Variants in EFCAB8 observed in about 807,000 individuals in gnomAD.
The protein encoded by EFCAB8 is EF-hand calcium binding domain 8.
In EFCAB8, 100 loss-of-function variants were observed where a neutral mutation model predicts 116.3. The observed-to-expected ratio is 0.86, with a 90% CI of 0.73 to 1.02. The LOEUF (loss-of-function observed/expected upper bound fraction) is 1.02. Among genes scored for constraint, EFCAB8 ranks in the 50% least tolerant of loss-of-function variants. The pLI, the probability that EFCAB8 is intolerant of heterozygous loss-of-function variation, is 0.00. For missense variants in EFCAB8, 1,320 were observed against 1,416.9 expected (o/e 0.93, Z 1.10); for synonymous variants, 558 against 567.9 (o/e 0.98, Z 0.25).
At chr20:32,959,284 A>T (rs1989067973) in intron 24 of EFCAB8, among the ~76,000 whole-genome samples, 1 of 152,188 alleles carries the variant, frequency 6.6e-6, no homozygotes, top group African/African-American at 2.4e-5. Context: ...AATCTACATG[A>T]TTGAGTGGAT....
intron 23 of EFCAB8, among the ~76,000 whole-genome samples, chr20:32,950,663 C>G (rs752660366): frequency 2.0e-5 from 3 of 152,150 alleles, no homozygotes; most frequent in Non-Finnish European, 4.4e-5. Flanking sequence ...GGCAAATCCC[C>G]CGGGTTGCTT....
chr20:32,866,025 A>G (rs536590183), intron 2 of EFCAB8, among the ~76,000 whole-genome samples: 2 of 152,182 alleles, frequency 1.3e-5, no homozygotes, highest in South Asian at 4.1e-4. Flanking sequence ...AGAAGAGGGA[A>G]GAGCTGAAGG....
In EFCAB8 at chr20:32,871,940, G is replaced by A. The variant is rs185285508; in HGVS notation, c.209-3986G>A. 1.3e-4 allele frequency among the ~76,000 whole-genome samples: 20 copies of A among 152,292 alleles called. No homozygotes were observed. The East Asian group carries it at 3.9e-3, about 29-fold the overall frequency. The stretch of plus-strand genomic sequence containing the variant: ...GCACACAAAGGCAGTTTGACTCCCA[G>A]CTCTGTCTGGAAGGAGGCCGCAGGG... On this transcript the variant is annotated intron_variant, in intron 3 of 26. Transcript: ENST00000400522.
chr20:32,916,107 C>T lies in EFCAB8; in HGVS notation c.1857-1194C>T, dbSNP rs553383883. On this transcript the variant is annotated intron_variant, in intron 17 of 26. Coordinates refer to ENST00000400522, the MANE Select transcript of EFCAB8 (RefSeq NM_001143967.2). ...ATACCATAGAGTAGGTGGCTTATAACAACAGAAAATTATTTCTTATAGTTC... is the reference window on the plus strand; with the variant it reads ...ATACCATAGAGTAGGTGGCTTATAATAACAGAAAATTATTTCTTATAGTTC... 4.6e-5 allele frequency among the ~76,000 whole-genome samples: 7 copies of T among 152,292 alleles called. No individual in the cohort carries two copies. The East Asian group carries it at 9.6e-4, about 21-fold the overall frequency.
At chr20:32,939,414 C>A (rs1403889918) in intron 22 of EFCAB8, among the ~76,000 whole-genome samples, 1 of 146,326 alleles carries the variant, frequency 6.8e-6, no homozygotes, top group African/African-American at 2.6e-5. Context: ...TCCCAAGTAG[C>A]TGGGACTACA....
intron 9 of EFCAB8, among the ~76,000 whole-genome samples, 177 bp downstream of exon 9, chr20:32,893,475 T>TG (rs1278415863): frequency 6.6e-6 from 1 of 151,782 alleles, no homozygotes; most frequent in African/African-American, 2.4e-5. Context: ...GGAGAGGCGA[T>TG]GGGGGGCAGC....
chr20:32,909,181 G>A (rs996650056), intron 14 of EFCAB8, among the ~76,000 whole-genome samples: 2 of 152,220 alleles, frequency 1.3e-5, no homozygotes, highest in South Asian at 2.1e-4. Context: ...TTACGCACTT[G>A]GCTGGCCCTC....
chr20:32,882,917 A>G (rs568795381), intron 5 of EFCAB8, among the ~76,000 whole-genome samples: 2 of 151,894 alleles, frequency 1.3e-5, no homozygotes, highest in African/African-American at 2.4e-5. Flanking sequence ...GGATAGTCTC[A>G]ATCTCCTGAC....
chr20:32,872,738 G>A lies in EFCAB8; in HGVS notation c.209-3188G>A, dbSNP rs536402692. On this transcript the variant is annotated intron_variant, in intron 3 of 26. Coordinates refer to ENST00000400522, the MANE Select transcript of EFCAB8 (RefSeq NM_001143967.2). The stretch of plus-strand genomic sequence containing the variant: ...GAACCCAGGAGGTGGAGGTTGTAGT[G>A]AGCCAAGATCATGCCACCACACTCC... Among the ~76,000 whole-genome samples the A allele has an allele frequency of 7.2e-5, 11 of 151,910 alleles. No homozygotes were observed. The East Asian group carries it at 2.1e-3, about 29-fold the overall frequency.
At chr20:32,898,723 A>G (rs996071561) in intron 11 of EFCAB8, 100 bp downstream of exon 11, 1 of 659,974 alleles carries the variant, frequency 1.5e-6, no homozygotes, top group African/African-American at 1.8e-5. Context: ...TGGTTGGTGT[A>G]TGGACTCTGG....
At chr20:32,891,827 GTT>G (rs35814833) in intron 7 of EFCAB8, among the ~76,000 whole-genome samples, 48 of 145,622 alleles carry the variant, frequency 3.3e-4, no homozygotes, top group South Asian at 8.8e-4. Context: ...GAAGGAGTCA[GTT>G]TTTTTTTTTT....
At chr20:32,872,771 G>T (rs562704133) in intron 3 of EFCAB8, among the ~76,000 whole-genome samples, 2 of 151,656 alleles carry the variant, frequency 1.3e-5, no homozygotes, top group African/African-American at 2.4e-5. Context: ...TCCAGCCTGG[G>T]CAACAGAGCG....
At position 32,883,714 on chromosome 20, in the gene EFCAB8, G is replaced by A. The variant is rs183143804; in HGVS notation, c.432-1791G>A. 6.3e-4 allele frequency among the ~76,000 whole-genome samples: 95 copies of A among 150,960 alleles called. 1 individual carries two copies. Among genetic ancestry groups the A allele is most frequent in the Non-Finnish European group, 1.1e-3 (72 of 67,782 alleles). ...TCTATTTCTTTTTTTTTTTGGAGAC[G>A]GAGTCTCACTCTGTCACCCAGGCTG... On this transcript the variant is annotated intron_variant, in intron 5 of 26. Coordinates refer to ENST00000400522, the MANE Select transcript of EFCAB8 (RefSeq NM_001143967.2).
chr20:32,882,558 TG>T (rs1229365544), intron 5 of EFCAB8, among the ~76,000 whole-genome samples: 8 of 152,354 alleles, frequency 5.3e-5, no homozygotes, highest in African/African-American at 1.9e-4. Flanking sequence ...TCTTGCTCTG[TG>T]GCCCAGGCTA....
At chr20:32,960,887 G>A (rs1302480474) in intron 26 of EFCAB8, among the ~76,000 whole-genome samples, 6 of 152,198 alleles carry the variant, frequency 3.9e-5, no homozygotes, top group Non-Finnish European at 8.8e-5. Context: ...CAGTCTGCTC[G>A]CCAGCTCACA....
At chr20:32,884,032 G>C (rs756267770) in intron 5 of EFCAB8, among the ~76,000 whole-genome samples, 1 of 152,086 alleles carries the variant, frequency 6.6e-6, no homozygotes, top group African/African-American at 2.4e-5. Flanking sequence ...CACTCTGCCC[G>C]GTCAGGTCTT....
chr20:32,873,346 T>C (rs1984783375), intron 3 of EFCAB8, among the ~76,000 whole-genome samples: 1 of 151,562 alleles, frequency 6.6e-6, no homozygotes, highest in African/African-American at 2.4e-5. Flanking sequence ...CCCAAAGTGC[T>C]GGGATTACAG....
intron 20 of EFCAB8, among the ~76,000 whole-genome samples, chr20:32,921,196 CT>C (rs199550861): frequency 0.13 from 3,566 of 27,600 alleles, 98 homozygotes; most frequent in African/African-American, 0.29. Flanking sequence ...GATTATTTCT[CT>C]CTCCTTTTTT....
At chr20:32,862,040 T>G (rs189404330) in intron 1 of EFCAB8, among the ~76,000 whole-genome samples, 2 of 152,194 alleles carry the variant, frequency 1.3e-5, no homozygotes, top group Non-Finnish European at 2.9e-5. Flanking sequence ...CCTAGCTGTC[T>G]TGTGTGTTTC....
Sources: gnomAD v4.1 joint callset for allele counts (sites outside exome capture counted in the v4.1 genomes callset) on GRCh38, gnomAD v4.1.1 for gene constraint, MANE v1.5 for transcripts, NCBI Gene and HGNC (gene_info 2026-07-23, HGNC 2026-07-21) for gene names.